The following WDR27 variants were observed in gnomAD, a reference collection of about 807,000 sequenced individuals.
WDR27 encodes the protein WD repeat-containing protein 27.
A neutral mutation model predicts 114.4 loss-of-function variants in WDR27; 100 were observed. The observed-to-expected ratio is 0.87, with a 90% CI of 0.74 to 1.03. WDR27 has a LOEUF of 1.03. Ranked by LOEUF, WDR27 falls within the 50% of genes least tolerant of loss-of-function variation. The pLI, the probability that WDR27 is intolerant of heterozygous loss-of-function variation, is 0.00. For synonymous variants in WDR27, 449 were observed against 423.1 expected (o/e 1.06, Z -0.75); for missense variants, 1,129 against 1,092.9 (o/e 1.03, Z -0.47).
intron 25 of WDR27, among the ~76,000 whole-genome samples, chr6:169,533,842 T>TGTGTGTGTGCAC (rs965627229): frequency 1.3e-5 from 2 of 151,988 alleles, no homozygotes; most frequent in African/African-American, 4.8e-5. Flanking sequence ...TGTGTGTGTG[T>TGTGTGTGTGCAC]GTGTGTGCAC....
downstream of WDR27, among the ~76,000 whole-genome samples, chr6:169,454,735 TATGA>T (rs1784282283): frequency 6.6e-6 from 1 of 152,222 alleles, no homozygotes; most frequent in Admixed American, 6.5e-5. Context: ...TGCCACATGA[TATGA>T]ATCATCTTAT....
chr6:169,595,201 A>G (rs1806538802), intron 23 of WDR27, among the ~76,000 whole-genome samples: 1 of 152,230 alleles, frequency 6.6e-6, no homozygotes, highest in South Asian at 2.1e-4. Flanking sequence ...CATCAATATG[A>G]CTGACATTTT....
At chr6:169,552,686 G>A (rs1422203913) in intron 25 of WDR27, among the ~76,000 whole-genome samples, 1 of 152,168 alleles carries the variant, frequency 6.6e-6, no homozygotes, top group East Asian at 1.9e-4. Context: ...AATTTATTGT[G>A]ATGTAATTAT....
chr6:169,540,523 G>A (rs992078411), intron 25 of WDR27, among the ~76,000 whole-genome samples: 6 of 151,266 alleles, frequency 4.0e-5, no homozygotes, highest in Non-Finnish European at 2.9e-5. Context: ...TCTGCCTCCC[G>A]AGTTCAAGCA....
In WDR27 at chr6:169,540,006, C is replaced by T. The variant is rs185813107; in HGVS notation, c.2645+32413G>A. The stretch of plus-strand genomic sequence containing the variant: ...CAAATTTTAACCAAATTTTGAATGG[C>T]CATAGCCGTTAACATTTAGGTGGTT... On this transcript the variant is annotated intron_variant, in intron 25 of 25. Coordinates refer to ENST00000448612, the MANE Select transcript of WDR27 (RefSeq NM_182552.5). Among the ~76,000 whole-genome samples the T allele has an allele frequency of 3.2e-4, 48 of 152,348 alleles. No individual in the cohort carries two copies. The East Asian group carries it at 8.9e-3, about 28-fold the overall frequency.
intron 25 of WDR27, among the ~76,000 whole-genome samples, chr6:169,566,487 T>C (rs9396969): frequency 0.59 from 89,497 of 152,158 alleles, 29,087 homozygotes; most frequent in Non-Finnish European, 0.72. Context: ...AGAAACAAAA[T>C]GACAACTCAA....
At chr6:169,660,044 G>A (rs148339573) in intron 10 of WDR27, among the ~76,000 whole-genome samples, 18 of 151,880 alleles carry the variant, frequency 1.2e-4, no homozygotes, top group African/African-American at 4.8e-5. Flanking sequence ...AGCAGTGCCC[G>A]GGAGGCCGCC....
intron 25 of WDR27, among the ~76,000 whole-genome samples, chr6:169,529,927 T>C (rs1795389854): frequency 6.6e-6 from 1 of 152,240 alleles, no homozygotes; most frequent in Non-Finnish European, 1.5e-5. Flanking sequence ...ATTAGATGTG[T>C]AATAGGAATC....
At chr6:169,604,108 C>A (rs1201301329) in intron 22 of WDR27, among the ~76,000 whole-genome samples, 1 of 151,878 alleles carries the variant, frequency 6.6e-6, no homozygotes, top group African/African-American at 2.4e-5. Flanking sequence ...ATTTAAAAGA[C>A]CAGAGCAGAA....
the WDR27 span, among the ~76,000 whole-genome samples, chr6:169,431,807 T>C: frequency 6.6e-6 from 1 of 152,242 alleles, no homozygotes. Flanking sequence ...ATTCAAACAA[T>C]TTATTTTTCT....
chr6:169,691,221 A>C (rs56773357), intron 1 of WDR27, among the ~76,000 whole-genome samples: 9,969 of 152,220 alleles, frequency 0.065, 659 homozygotes, highest in East Asian at 0.19. Context: ...TCTCAAAAAA[A>C]TTAAATTAAA....
At chr6:169,670,462 A>T in intron 4 of WDR27, 107 bp downstream of exon 4, 2 of 1,318,376 alleles carry the variant, frequency 1.5e-6, no homozygotes, top group South Asian at 3.0e-5. Flanking sequence ...TAGCTTAAAA[A>T]AAAAGGAGTA....
At chr6:169,524,141 G>T (rs1255018701) in intron 25 of WDR27, among the ~76,000 whole-genome samples, 2 of 151,928 alleles carry the variant, frequency 1.3e-5, no homozygotes, top group Non-Finnish European at 2.9e-5. Context: ...TACACCAACA[G>T]CAAACAATCT....
At chr6:169,608,288 C>A (rs1809702679) in intron 22 of WDR27, among the ~76,000 whole-genome samples, 1 of 152,052 alleles carries the variant, frequency 6.6e-6, no homozygotes, top group Non-Finnish European at 1.5e-5. Flanking sequence ...ATGTTTATTG[C>A]AGTACAATTC....
intron 2 of WDR27, among the ~76,000 whole-genome samples, chr6:169,679,733 A>G (rs1781016972): frequency 6.6e-6 from 1 of 152,234 alleles, no homozygotes; most frequent in African/African-American, 2.4e-5. Flanking sequence ...TCATGCTTGT[A>G]CAGTCTGCAG....
intron 2 of WDR27, among the ~76,000 whole-genome samples, chr6:169,688,044 G>C (rs1387188467): frequency 6.6e-6 from 1 of 152,110 alleles, no homozygotes; most frequent in Non-Finnish European, 1.5e-5. Flanking sequence ...TACATAAGTA[G>C]AATGTAATTC....
At chr6:169,451,193 C>G in the WDR27 span, among the ~76,000 whole-genome samples, 1 of 152,152 alleles carries the variant, frequency 6.6e-6, no homozygotes, top group African/African-American at 2.4e-5. Flanking sequence ...CGTAACTATT[C>G]CAGTAAATTG....
intron 6 of WDR27, among the ~76,000 whole-genome samples, chr6:169,665,890 T>C (rs1827720330): frequency 6.6e-6 from 1 of 152,206 alleles, no homozygotes; most frequent in Non-Finnish European, 1.5e-5. Flanking sequence ...CCGGCTGCTT[T>C]ATAGCCTAGA....
intron 5 of WDR27, chr6:169,667,489 G>C: frequency 1.5e-6 from 1 of 648,088 alleles, no homozygotes; most frequent in Non-Finnish European, 1.9e-6. Flanking sequence ...TGCCAAGATA[G>C]AGGCACCAAG....
Sources: gnomAD v4.1 joint callset for allele counts (sites outside exome capture counted in the v4.1 genomes callset) on GRCh38, gnomAD v4.1.1 for gene constraint, MANE v1.5 for transcripts, NCBI Gene and HGNC (gene_info 2026-07-23, HGNC 2026-07-21) for gene names.